The following CACNB2 variants were observed in gnomAD, a reference collection of about 807,000 sequenced individuals.
CACNB2 encodes the protein voltage-dependent L-type calcium channel subunit beta-2.
Under a neutral mutation model 73.3 loss-of-function variants are expected in CACNB2, and 42 were observed. The observed-to-expected ratio is 0.57, with a 90% CI of 0.45 to 0.74. CACNB2 has a LOEUF of 0.74. Among genes scored for constraint, CACNB2 ranks in the 30% least tolerant of loss-of-function variants. The pLI is 0.00. For missense variants in CACNB2, 940 were observed against 853.0 expected, an observed-to-expected ratio of 1.10 and a Z score of -1.27; for synonymous variants, 348 against 310.3, an observed-to-expected ratio of 1.12 and a Z score of -1.28.
chr10:18,343,711 T>A (rs2041327514), intron 2 of CACNB2, among the ~76,000 whole-genome samples: 1 of 152,150 alleles, frequency 6.6e-6, no homozygotes, highest in Admixed American at 6.6e-5. Context: ...ATGAGTTGAG[T>A]TTTTATTTGC....
intron 4 of CACNB2, among the ~76,000 whole-genome samples, chr10:18,500,363 C>A (rs1470821574): frequency 2.0e-5 from 3 of 152,164 alleles, no homozygotes; most frequent in African/African-American, 7.2e-5. Flanking sequence ...ACTGTTTGCA[C>A]AAAGGTAAAT....
At chr10:18,452,460 A>T (rs2047062644) in intron 3 of CACNB2, among the ~76,000 whole-genome samples, 1 of 151,904 alleles carries the variant, frequency 6.6e-6, no homozygotes, top group Non-Finnish European at 1.5e-5. Context: ...AGCACATTTA[A>T]AAAAAAATTA....
intron 2 of CACNB2, among the ~76,000 whole-genome samples, chr10:18,204,228 G>T (rs1282646184): frequency 6.6e-6 from 1 of 152,126 alleles, no homozygotes; most frequent in Non-Finnish European, 1.5e-5. Flanking sequence ...TGTTGCTATG[G>T]TGTGTTTGCA....
chr10:18,298,363 CTG>C lies in CACNB2; in HGVS notation c.214-103559_214-103558del, dbSNP rs575443787. 4.4e-3 allele frequency among the ~76,000 whole-genome samples: 645 copies of C among 145,250 alleles called. 10 individuals carry two copies. The highest frequency in any genetic ancestry group is 0.015 in the African/African-American group (598 of 40,456). ...CCAGCCTGGGCGAAAGAGCGAAACT[CTG>C]TCTCAAAAAAAAAAAAACCTAACCT... On this transcript the variant is annotated intron_variant, in intron 2 of 13. Coordinates refer to ENST00000324631, the MANE Select transcript of CACNB2 (RefSeq NM_201596.3).
In CACNB2 at chr10:18,449,893, C is replaced by G. The variant is rs117996615; in HGVS notation, c.333+47850C>G. ...GCCTCAGAAAGGTCACACACCAGGA[C>G]CAGTGTTGAGAACAAGAGGTAGGAT... On this transcript the variant is annotated intron_variant, in intron 3 of 13. Coordinates refer to ENST00000324631, the MANE Select transcript of CACNB2 (RefSeq NM_201596.3). Among the ~76,000 whole-genome samples, 45 of 152,280 alleles carry G rather than the reference C, an allele frequency of 3.0e-4. 1 individual carries two copies. The East Asian group carries it at 8.1e-3, about 27-fold the overall frequency.
chr10:18,360,049 A>T (rs2042082164), intron 2 of CACNB2, among the ~76,000 whole-genome samples: 1 of 152,218 alleles, frequency 6.6e-6, no homozygotes. Flanking sequence ...AGGGTGATCC[A>T]GCGTCACACA....
At chr10:18,141,755 T>C (rs2030436278) in intron 1 of CACNB2, among the ~76,000 whole-genome samples, 1 of 152,212 alleles carries the variant, frequency 6.6e-6, no homozygotes, top group South Asian at 2.1e-4. Flanking sequence ...CGCTCAACTT[T>C]TCTCCCGGCA....
At chr10:18,326,688 A>G (rs2040601007) in intron 2 of CACNB2, among the ~76,000 whole-genome samples, 1 of 152,208 alleles carries the variant, frequency 6.6e-6, no homozygotes, top group African/African-American at 2.4e-5. Context: ...AACCTCTTCA[A>G]AATTTTATTT....
At chr10:18,485,123 C>A (rs1297747268) in intron 3 of CACNB2, among the ~76,000 whole-genome samples, 1 of 152,104 alleles carries the variant, frequency 6.6e-6, no homozygotes, top group East Asian at 1.9e-4. Context: ...CCCTGTGTGA[C>A]AGAGTGAGAC....
chr10:18,524,654 T>TAAAA (rs35663592), intron 9 of CACNB2, among the ~76,000 whole-genome samples: 8 of 116,904 alleles, frequency 6.8e-5, no homozygotes, highest in East Asian at 2.5e-4. Context: ...GACTCTATCT[T>TAAAA]AAAAAAAAAA....
intron 2 of CACNB2, among the ~76,000 whole-genome samples, chr10:18,323,238 C>T (rs1589040683): frequency 6.6e-6 from 1 of 152,080 alleles, no homozygotes; most frequent in East Asian, 1.9e-4. Flanking sequence ...TGATTACAGG[C>T]GTGAGCCACT....
At chr10:18,267,441 A>G (rs1332136729) in intron 2 of CACNB2, among the ~76,000 whole-genome samples, 1 of 152,056 alleles carries the variant, frequency 6.6e-6, no homozygotes, top group East Asian at 1.9e-4. Context: ...CCCCATCTCT[A>G]CTAAACATAC....
At position 18,342,019 on chromosome 10, in the gene CACNB2, G is replaced by A. The variant is rs376631221; in HGVS notation, c.214-59905G>A. 1.2e-4 allele frequency among the ~76,000 whole-genome samples: 18 copies of A among 152,072 alleles called. No individual in the cohort carries two copies. In the South Asian group the frequency reaches 1.5e-3, roughly 12 times the overall value. On this transcript the variant is annotated intron_variant, in intron 2 of 13. Transcript: ENST00000324631. ...GGCAATGTATACACTAATTATCAAC[G>A]GTTTCTGGGCATTAGATATGTCACG...
At chr10:18,253,697 C>G (rs1198204215) in intron 2 of CACNB2, among the ~76,000 whole-genome samples, 1 of 152,122 alleles carries the variant, frequency 6.6e-6, no homozygotes, top group East Asian at 1.9e-4. Context: ...GCCTTTTCCC[C>G]TCTCCTTTCT....
intron 3 of CACNB2, among the ~76,000 whole-genome samples, chr10:18,442,931 T>C (rs571757027): frequency 1.0e-4 from 3 of 29,716 alleles, no homozygotes; most frequent in East Asian, 1.9e-3. Flanking sequence ...TATATGTATA[T>C]ATATATATAT....
intron 2 of CACNB2, chr10:18,260,900 C>T (rs2037505741): frequency 3.6e-6 from 4 of 1,117,312 alleles, no homozygotes; most frequent in Non-Finnish European, 4.4e-6. Context: ...TTGAGAATGG[C>T]TACTGTAAAA....
chr10:18,296,885 T>C (rs1226321794), intron 2 of CACNB2, among the ~76,000 whole-genome samples: 1 of 152,248 alleles, frequency 6.6e-6, no homozygotes, highest in Non-Finnish European at 1.5e-5. Flanking sequence ...CTGATTCTGC[T>C]AGTAGTTGTT....
At chr10:18,315,280 G>A (rs1318615143) in intron 2 of CACNB2, among the ~76,000 whole-genome samples, 1 of 151,820 alleles carries the variant, frequency 6.6e-6, no homozygotes, top group Non-Finnish European at 1.5e-5. Flanking sequence ...GTTGCAGTGA[G>A]CCAAGATCAC....
At chr10:18,332,724 C>A (rs552692406) in intron 2 of CACNB2, among the ~76,000 whole-genome samples, 1 of 152,112 alleles carries the variant, frequency 6.6e-6, no homozygotes, top group African/African-American at 2.4e-5. Context: ...TAGTCCCTAG[C>A]ACAACTTGTA....
Sources: gnomAD v4.1 joint callset for allele counts (sites outside exome capture counted in the v4.1 genomes callset) on GRCh38, gnomAD v4.1.1 for gene constraint, MANE v1.5 for transcripts, NCBI Gene and HGNC (gene_info 2026-07-23, HGNC 2026-07-21) for gene names.